CPB2: variants seen among roughly 807,000 people sequenced by gnomAD.
The protein encoded by CPB2 is carboxypeptidase B2, also known as carboxypeptidase B-like protein.
A neutral mutation model predicts 57.0 loss-of-function variants in CPB2; 54 were observed. The observed-to-expected ratio is 0.95, with a 90% confidence interval of 0.76 to 1.19. The LOEUF is 1.19. Among genes scored for constraint, CPB2 ranks in the 50% most tolerant of loss-of-function variants. CPB2 has a pLI of 0.00. For synonymous variants in CPB2, 189 were observed against 178.1 expected, an observed-to-expected ratio of 1.06 and a Z score of -0.49; for missense variants, 426 against 512.0, an observed-to-expected ratio of 0.83 and a Z score of 1.62.
In CPB2 at chr13:46,093,113, A is replaced by G. The variant is rs551916436; in HGVS notation, c.75-5293T>C. ...TTTTTAGTAGAGATGGGGTTTCACC[A>G]TGTTGGTCAGGCTGGTCTTGAACTC... On this transcript the variant is annotated intron_variant, in intron 1 of 10. Transcript: ENST00000181383. Among the ~76,000 whole-genome samples the G allele has an allele frequency of 2.6e-5, 4 of 152,128 alleles. No homozygotes were observed. In the South Asian group the frequency reaches 8.3e-4, roughly 32 times the overall value.
At chr13:46,075,396 C>T (rs1000706404) in intron 5 of CPB2, among the ~76,000 whole-genome samples, 1 of 152,116 alleles carries the variant, frequency 6.6e-6, no homozygotes, top group Admixed American at 6.6e-5. Flanking sequence ...TGGCAAAATC[C>T]CAGAGACTCA....
At chr13:46,063,593 C>T (rs899340355) in intron 8 of CPB2, among the ~76,000 whole-genome samples, 7 of 152,224 alleles carry the variant, frequency 4.6e-5, no homozygotes, top group Admixed American at 1.3e-4. Flanking sequence ...AGATTGATTC[C>T]ATGTCTTTGC....
intron 3 of CPB2, 64 bp downstream of exon 3, chr13:46,084,155 A>T: frequency 2.5e-6 from 4 of 1,570,522 alleles, no homozygotes; most frequent in Non-Finnish European, 3.5e-6. Context: ...ATTATACCAT[A>T]CCCTAGTCAA....
intron 10 of CPB2, among the ~76,000 whole-genome samples, chr13:46,054,356 CT>C (rs2044656059): frequency 6.6e-6 from 1 of 152,052 alleles, no homozygotes; most frequent in African/African-American, 2.4e-5. Flanking sequence ...GCATGTAGAC[CT>C]TTTTTTCTCC....
At chr13:46,083,968 G>A (rs1466391900) in intron 3 of CPB2, among the ~76,000 whole-genome samples, 1 of 152,188 alleles carries the variant, frequency 6.6e-6, no homozygotes, top group South Asian at 2.1e-4. Context: ...AACTATGAGA[G>A]CCTTTACCAA....
chr13:46,086,971 C>A (rs76496893), intron 2 of CPB2, among the ~76,000 whole-genome samples: 1 of 152,362 alleles, frequency 6.6e-6, no homozygotes, highest in African/African-American at 2.4e-5. Context: ...CTCGGAGAGA[C>A]CAGACAGTGG....
intron 1 of CPB2, among the ~76,000 whole-genome samples, chr13:46,092,040 T>A (rs952946508): frequency 3.9e-5 from 6 of 152,252 alleles, no homozygotes; most frequent in African/African-American, 1.2e-4. Flanking sequence ...GCCCCCCCTT[T>A]TTTTTAACTG....
intron 2 of CPB2, among the ~76,000 whole-genome samples, chr13:46,086,348 G>A (rs1366049202): frequency 6.6e-6 from 1 of 152,186 alleles, no homozygotes; most frequent in African/African-American, 2.4e-5. Flanking sequence ...GGGTGAGCAA[G>A]GTGAAGAGGA....
intron 9 of CPB2, among the ~76,000 whole-genome samples, chr13:46,057,966 T>TA (rs58925531): frequency 0.79 from 119,685 of 152,002 alleles, 47,473 homozygotes; most frequent in African/African-American, 0.87. Context: ...GCCCACGTGC[T>TA]GAATAAAGTG....
At chr13:46,074,319 T>C (rs1268631476) in intron 5 of CPB2, among the ~76,000 whole-genome samples, 1 of 152,254 alleles carries the variant, frequency 6.6e-6, no homozygotes, top group Non-Finnish European at 1.5e-5. Flanking sequence ...TGTATCTTCA[T>C]GCTTCATTTA....
At chr13:46,080,758 C>T (rs940431875) in intron 4 of CPB2, among the ~76,000 whole-genome samples, 2 of 152,030 alleles carry the variant, frequency 1.3e-5, no homozygotes, top group African/African-American at 4.8e-5. Flanking sequence ...ATCACTTGAG[C>T]TCAGGAATTC....
At chr13:46,061,239 C>T (rs1481433972) in intron 8 of CPB2, among the ~76,000 whole-genome samples, 3 of 152,086 alleles carry the variant, frequency 2.0e-5, no homozygotes, top group Non-Finnish European at 4.4e-5. Flanking sequence ...ACTATAGTCT[C>T]CTAGAAAAAG....
intron 8 of CPB2, among the ~76,000 whole-genome samples, chr13:46,063,757 C>T (rs2044810886): frequency 6.6e-6 from 1 of 152,110 alleles, no homozygotes; most frequent in Non-Finnish European, 1.5e-5. Flanking sequence ...CTCCTGAAAG[C>T]AGACTGTTCT....
chr13:46,100,418 CCTTA>C (rs1185190974), intron 1 of CPB2: 3 of 152,098 alleles, frequency 2.0e-5, no homozygotes, highest in Non-Finnish European at 2.9e-5. Flanking sequence ...GACTGCTTCC[CCTTA>C]CTTAGTCATA....
At chr13:46,104,841 A>G in intron 1 of CPB2, 95 bp downstream of exon 1, 1 of 1,456,326 alleles carries the variant, frequency 6.9e-7, no homozygotes, top group Non-Finnish European at 9.5e-7. Context: ...AAAGTTTACC[A>G]TTTTGTCCAC....
At chr13:46,085,434 G>T (rs1052723399) in intron 2 of CPB2, among the ~76,000 whole-genome samples, 29 of 152,116 alleles carry the variant, frequency 1.9e-4, no homozygotes, top group Non-Finnish European at 3.2e-4. Context: ...GGCTGCCCTG[G>T]TGACCCACTA....
chr13:46,064,849 A>G lies in CPB2; in HGVS notation c.703-108T>C, dbSNP rs998515121. The G allele has an allele frequency of 2.0e-4, 152 of 770,640 alleles. No individual in the cohort carries two copies. The African/African-American group carries it at 2.3e-3, about 12-fold the overall frequency. 47.7% of individuals were successfully genotyped at this position (770,640 alleles called of 1,614,324 possible). A position where few individuals can be genotyped will look rare whatever the true frequency, so the allele number is the denominator to read the frequency against. Reference sequence around the variant, plus strand: ...GCCAGAATTGCCTTTCTCTCCTTCAATCCCATACCTTGCATGGCTTCATCA... The same window carrying G: ...GCCAGAATTGCCTTTCTCTCCTTCAGTCCCATACCTTGCATGGCTTCATCA... On this transcript the variant is annotated intron_variant, in intron 7 of 10. Transcript: ENST00000181383.
At chr13:46,069,878 A>G (rs762429735) in intron 6 of CPB2, among the ~76,000 whole-genome samples, 15 of 152,184 alleles carry the variant, frequency 9.9e-5, no homozygotes, top group Non-Finnish European at 1.6e-4. Context: ...TGGTAACTCT[A>G]TACTTAATCT....
At chr13:46,075,977 A>C (rs1231994299) in intron 5 of CPB2, among the ~76,000 whole-genome samples, 2 of 152,194 alleles carry the variant, frequency 1.3e-5, no homozygotes, top group Non-Finnish European at 2.9e-5. Context: ...CTCTTGCATA[A>C]TATTTTGCAA....
Sources: gnomAD v4.1 joint callset for allele counts (sites outside exome capture counted in the v4.1 genomes callset) on GRCh38, gnomAD v4.1.1 for gene constraint, MANE v1.5 for transcripts, NCBI Gene and HGNC (gene_info 2026-07-23, HGNC 2026-07-21) for gene names.